FGF12: variants seen among roughly 807,000 people sequenced by gnomAD.
The protein encoded by FGF12 is fibroblast growth factor 12B.
Under a neutral mutation model 23.6 loss-of-function variants are expected in FGF12, and 14 were observed. The ratio of observed to expected loss-of-function variants is 0.59; its 90% CI spans 0.39 to 0.93. The LOEUF is 0.93. Ranked by LOEUF, FGF12 falls within the 40% of genes least tolerant of loss-of-function variation. FGF12 has a pLI of 0.00. For missense variants in FGF12, 175 were observed against 217.8 expected, an observed-to-expected ratio of 0.80 and a Z score of 1.24; for synonymous variants, 62 against 77.3, an observed-to-expected ratio of 0.80 and a Z score of 1.04.
At chr3:192,606,281 A>C (rs1227932383) in intron 2 of FGF12, among the ~76,000 whole-genome samples, 1 of 152,174 alleles carries the variant, frequency 6.6e-6, no homozygotes, top group Non-Finnish European at 1.5e-5. Flanking sequence ...CAGAAAACCA[A>C]ATACTGCATG....
Position 192,712,760 on chromosome 3 carries a change from T to A in FGF12, c.13+14421A>T, listed in dbSNP as rs553998993. ...TTTTTTTTAGGAAGCTGTTGGAGAA[T>A]GTATTCCACCAAAATAAGAGAGTGA... On this transcript the variant is annotated intron_variant, in intron 2 of 5. Transcript: ENST00000445105. Among the ~76,000 whole-genome samples the A allele has an allele frequency of 2.0e-4, 31 of 151,956 alleles. No individual in the cohort carries two copies. In the South Asian group the frequency reaches 6.5e-3, roughly 32 times the overall value.
At chr3:192,454,415 G>A (rs1035870370) in intron 2 of FGF12, among the ~76,000 whole-genome samples, 25 of 152,010 alleles carry the variant, frequency 1.6e-4, no homozygotes, top group Admixed American at 1.5e-3. Context: ...TTCCTGTTTC[G>A]TCAGCAGAAT....
intron 2 of FGF12, among the ~76,000 whole-genome samples, chr3:192,622,694 A>T (rs558724715): frequency 6.6e-6 from 1 of 152,346 alleles, no homozygotes; most frequent in South Asian, 2.1e-4. Context: ...AAAAGCACAG[A>T]TGCATTTCAT....
chr3:192,335,341 A>G lies in FGF12; in HGVS notation c.228+20T>C. 6.6e-7 allele frequency: 1 copy of G among 1,513,672 alleles called. No individual in the cohort carries two copies. Among genetic ancestry groups the G allele is most frequent in the Middle Eastern group, 1.7e-4 (1 of 5,858 alleles). The allele number at this position is 1,513,672 out of a possible 1,614,324, so 93.8% of individuals were successfully genotyped here. On this transcript the variant is annotated intron_variant, in intron 4 of 5. Coordinates refer to ENST00000445105, the MANE Select transcript of FGF12 (RefSeq NM_004113.6). ...GTAGTTCACACACATACACACAAATACACACTACAATGTACTTACTGAACT... is the reference window on the plus strand; with the variant it reads ...GTAGTTCACACACATACACACAAATGCACACTACAATGTACTTACTGAACT...
intron 2 of FGF12, among the ~76,000 whole-genome samples, chr3:192,701,200 T>C (rs945989757): frequency 1.3e-5 from 2 of 152,200 alleles, no homozygotes; most frequent in Non-Finnish European, 2.9e-5. Context: ...TTTCAAGCAA[T>C]TGTCAATCAG....
chr3:192,195,435 G>A lies in FGF12; in HGVS notation c.229-24779C>T, dbSNP rs373297162. 1.9e-4 allele frequency among the ~76,000 whole-genome samples: 29 copies of A among 152,276 alleles called. No individual in the cohort carries two copies. In the East Asian group the frequency reaches 1.9e-3, roughly 10 times the overall value. The stretch of plus-strand genomic sequence containing the variant: ...GGTGGTCCCATAAGCTTGTAACACT[G>A]AAGTTTTTACTGTACCTTTTCTATG... On this transcript the variant is annotated intron_variant, in intron 4 of 5. Coordinates refer to ENST00000445105, the MANE Select transcript of FGF12 (RefSeq NM_004113.6).
chr3:192,475,587 A>G (rs1261853552), intron 2 of FGF12, among the ~76,000 whole-genome samples: 1 of 152,262 alleles, frequency 6.6e-6, no homozygotes, highest in East Asian at 1.9e-4. Context: ...ACTGATGGGA[A>G]AGTTGTAAAG....
intron 2 of FGF12, among the ~76,000 whole-genome samples, chr3:192,604,586 G>A (rs1454001197): frequency 6.6e-6 from 1 of 152,124 alleles, no homozygotes; most frequent in Non-Finnish European, 1.5e-5. Flanking sequence ...AGCATTCCAT[G>A]CTCACGGACT....
chr3:192,291,080 C>A (rs1379266587), intron 4 of FGF12, among the ~76,000 whole-genome samples: 1 of 152,060 alleles, frequency 6.6e-6, no homozygotes, highest in African/African-American at 2.4e-5. Context: ...ACCATGTCTC[C>A]AGTTCATGGA....
At position 192,178,257 on chromosome 3, in the gene FGF12, T is replaced by C. The variant is rs992806931; in HGVS notation, c.229-7601A>G. ...CATAATGTATTAAAATTAAAGAGCCTATATAAAATGTTGTTTCTTCAAAAA... is the reference window on the plus strand; with the variant it reads ...CATAATGTATTAAAATTAAAGAGCCCATATAAAATGTTGTTTCTTCAAAAA... On this transcript the variant is annotated intron_variant, in intron 4 of 5. Transcript: ENST00000445105. 8.5e-5 allele frequency among the ~76,000 whole-genome samples: 13 copies of C among 152,258 alleles called. No individual in the cohort carries two copies. In the South Asian group the frequency reaches 2.3e-3, roughly 27 times the overall value.
intron 2 of FGF12, among the ~76,000 whole-genome samples, chr3:192,452,728 G>T (rs1241619275): frequency 6.6e-6 from 1 of 152,182 alleles, no homozygotes; most frequent in Non-Finnish European, 1.5e-5. Context: ...GTCCGTGATT[G>T]TGTCAAAATG....
At chr3:192,568,196 T>C (rs1712433069) in intron 2 of FGF12, among the ~76,000 whole-genome samples, 1 of 152,150 alleles carries the variant, frequency 6.6e-6, no homozygotes, top group Non-Finnish European at 1.5e-5. Flanking sequence ...ATAATTTGGA[T>C]TGATTTCATC....
intron 2 of FGF12, among the ~76,000 whole-genome samples, chr3:192,497,941 A>C (rs748764133): frequency 3.9e-5 from 6 of 152,348 alleles, no homozygotes; most frequent in Non-Finnish European, 8.8e-5. Context: ...CTGAATCTCT[A>C]GTAATTAAAA....
chr3:192,651,179 T>G (rs1716202506), intron 2 of FGF12, among the ~76,000 whole-genome samples: 1 of 152,190 alleles, frequency 6.6e-6, no homozygotes, highest in South Asian at 2.1e-4. Context: ...GAAACCTTAG[T>G]CCCAGGACTG....
chr3:192,284,630 A>G (rs1714344952), intron 4 of FGF12, among the ~76,000 whole-genome samples: 1 of 152,040 alleles, frequency 6.6e-6, no homozygotes, highest in South Asian at 2.1e-4. Flanking sequence ...CTAGCATTCC[A>G]CAGGGAGAGA....
chr3:192,288,532 A>G (rs1052412661), intron 4 of FGF12, among the ~76,000 whole-genome samples: 4 of 152,070 alleles, frequency 2.6e-5, no homozygotes, highest in Non-Finnish European at 2.9e-5. Flanking sequence ...TAAAATACAA[A>G]TGATACTTGT....
intron 2 of FGF12, among the ~76,000 whole-genome samples, chr3:192,599,891 G>C (rs969100802): frequency 6.6e-6 from 1 of 152,050 alleles, no homozygotes; most frequent in Non-Finnish European, 1.5e-5. Flanking sequence ...TGGCTAGTCT[G>C]ATACAATCCC....
intron 4 of FGF12, among the ~76,000 whole-genome samples, chr3:192,298,874 T>A (rs1203282347): frequency 2.0e-5 from 3 of 151,540 alleles, no homozygotes; most frequent in South Asian, 2.1e-4. Context: ...GGAGGTGGAG[T>A]CTGCATATCA....
Position 192,278,451 on chromosome 3 carries a change from G to A in FGF12, c.228+56910C>T, listed in dbSNP as rs1713934705. Among the ~76,000 whole-genome samples, 5 of 152,130 alleles carry A rather than the reference G, an allele frequency of 3.3e-5. 1 individual carries two copies. The highest frequency in any genetic ancestry group is 1.3e-4 in the Admixed American group (2 of 15,270). On this transcript the variant is annotated intron_variant, in intron 4 of 5. Transcript: ENST00000445105. ...CACAGTACACCAACGTCAAAATATA[G>A]TCCCACCTAGGAACGTAGAAAGCAA...
Sources: gnomAD v4.1 joint callset for allele counts (sites outside exome capture counted in the v4.1 genomes callset) on GRCh38, gnomAD v4.1.1 for gene constraint, MANE v1.5 for transcripts, NCBI Gene and HGNC (gene_info 2026-07-23, HGNC 2026-07-21) for gene names.